CTDSPL2: variants seen among roughly 807,000 people sequenced by gnomAD.
The protein encoded by CTDSPL2 is CTD small phosphatase like 2.
A neutral mutation model predicts 60.0 loss-of-function variants in CTDSPL2; 5 were observed. The ratio of observed to expected loss-of-function variants is 0.08; its 90% CI spans 0.04 to 0.18. The LOEUF (loss-of-function observed/expected upper bound fraction) is 0.18. Among genes scored for constraint, CTDSPL2 ranks in the 10% least tolerant of loss-of-function variants. CTDSPL2 has a pLI of 1.00. For missense variants in CTDSPL2, 370 were observed against 548.8 expected, an observed-to-expected ratio of 0.67 and a Z score of 3.26; for synonymous variants, 186 against 189.3, an observed-to-expected ratio of 0.98 and a Z score of 0.14.
intron 6 of CTDSPL2, 89 bp downstream of exon 6, chr15:44,496,547 T>TTA: frequency 2.1e-6 from 2 of 952,778 alleles, no homozygotes; most frequent in Non-Finnish European, 3.3e-6. Flanking sequence ...AATAGTATAT[T>TTA]GCCAAGATAT....
intron 1 of CTDSPL2, among the ~76,000 whole-genome samples, chr15:44,450,205 T>C (rs2080306480): frequency 6.6e-6 from 1 of 152,100 alleles, no homozygotes; most frequent in Admixed American, 6.6e-5. Flanking sequence ...CCTATAAATA[T>C]AATTTAAATT....
chr15:44,443,501 T>G (rs1197420678), intron 1 of CTDSPL2, among the ~76,000 whole-genome samples: 5 of 152,240 alleles, frequency 3.3e-5, no homozygotes, highest in African/African-American at 9.6e-5. Context: ...GCAGCTTTAC[T>G]ATTTTACATT....
intron 2 of CTDSPL2, among the ~76,000 whole-genome samples, chr15:44,460,260 G>A (rs995169718): frequency 2.3e-4 from 35 of 151,980 alleles, no homozygotes; most frequent in Admixed American, 1.2e-3. Context: ...ACAGGCGCCC[G>A]CCACCACACC....
At chr15:44,489,695 A>G (rs928172693) in intron 4 of CTDSPL2, among the ~76,000 whole-genome samples, 1 of 152,204 alleles carries the variant, frequency 6.6e-6, no homozygotes, top group Non-Finnish European at 1.5e-5. Context: ...CATCATCTGT[A>G]ATAACAACTA....
At chr15:44,476,533 A>G (rs1226790269) in intron 2 of CTDSPL2, among the ~76,000 whole-genome samples, 1 of 152,122 alleles carries the variant, frequency 6.6e-6, no homozygotes, top group Admixed American at 6.6e-5. Context: ...GTGCCAGGTA[A>G]TGATGTTTAG....
At chr15:44,509,211 A>T (rs1008874659) in intron 8 of CTDSPL2, among the ~76,000 whole-genome samples, 5 of 151,254 alleles carry the variant, frequency 3.3e-5, no homozygotes, top group Admixed American at 6.6e-5. Context: ...TTTATTTTTT[A>T]ATTTTTTTGA....
At chr15:44,478,452 CAAAAAAAAAAAAAAA>C (rs61080056) in intron 2 of CTDSPL2, among the ~76,000 whole-genome samples, 13 of 38,018 alleles carry the variant, frequency 3.4e-4, no homozygotes, top group East Asian at 8.0e-4. Context: ...GACTCTGTCT[CAAAAAAAAAAAAAAA>C]AAAAAAAAAA....
At chr15:44,439,487 G>T (rs1368348021) in intron 1 of CTDSPL2, among the ~76,000 whole-genome samples, 2 of 151,282 alleles carry the variant, frequency 1.3e-5, no homozygotes, top group Non-Finnish European at 2.9e-5. Flanking sequence ...TACAGGTTGA[G>T]TATCCCTTAT....
chr15:44,462,203 C>T (rs1195090629), intron 2 of CTDSPL2, among the ~76,000 whole-genome samples: 2 of 152,186 alleles, frequency 1.3e-5, no homozygotes, highest in Non-Finnish European at 2.9e-5. Context: ...CTGGACCTCT[C>T]AAAGTGTGAG....
At chr15:44,502,233 T>C (rs1181153864) in intron 8 of CTDSPL2, among the ~76,000 whole-genome samples, 1 of 152,048 alleles carries the variant, frequency 6.6e-6, no homozygotes, top group Non-Finnish European at 1.5e-5. Context: ...TCTTGAATGT[T>C]AGTTTTATAG....
chr15:44,432,539 C>T (rs920922123), intron 1 of CTDSPL2, among the ~76,000 whole-genome samples: 2 of 151,960 alleles, frequency 1.3e-5, no homozygotes, highest in Non-Finnish European at 2.9e-5. Flanking sequence ...CCAGGCTGTT[C>T]TCGAACTCCT....
At chr15:44,491,859 C>T (rs1449068858) in intron 5 of CTDSPL2, among the ~76,000 whole-genome samples, 12 of 152,016 alleles carry the variant, frequency 7.9e-5, no homozygotes, top group Admixed American at 7.9e-4. Context: ...CCAGCCTGGG[C>T]AAAAGAGCCA....
intron 2 of CTDSPL2, among the ~76,000 whole-genome samples, chr15:44,471,743 C>T (rs1048837124): frequency 3.3e-5 from 5 of 152,060 alleles, no homozygotes; most frequent in African/African-American, 1.2e-4. Flanking sequence ...TTTCATCACC[C>T]TCAAAAGAAA....
intron 1 of CTDSPL2, chr15:44,448,791 C>A (rs930417974): frequency 1.4e-5 from 5 of 352,162 alleles, no homozygotes; most frequent in Non-Finnish European, 2.8e-5. Flanking sequence ...CATAGGGAAG[C>A]TGCGGACGCT....
At chr15:44,523,321 A>G (rs1462583206) in intron 12 of CTDSPL2, among the ~76,000 whole-genome samples, 2 of 152,020 alleles carry the variant, frequency 1.3e-5, no homozygotes, top group African/African-American at 4.8e-5. Flanking sequence ...TTGGAAGGCT[A>G]AGGTGGGAGG....
In CTDSPL2 at chr15:44,506,110, A is replaced by G. The variant is rs1350792527; in HGVS notation, c.969+6297A>G. On this transcript the variant is annotated intron_variant, in intron 8 of 12. Transcript: ENST00000260327. ...AATGGCGCTATCTTGGCTCACCACA[A>G]TCTCTGCCTCCCAGGTTCAAGAAAT... Among the ~76,000 whole-genome samples the G allele has an allele frequency of 3.4e-5, 5 of 149,228 alleles. No homozygotes were observed. The East Asian group carries it at 1.0e-3, about 30-fold the overall frequency.
chr15:44,524,219 C>A lies in CTDSPL2; in HGVS notation c.*45C>A, dbSNP rs753607822. The A allele has an allele frequency of 1.1e-5, 17 of 1,494,678 alleles. No homozygotes were observed. Among genetic ancestry groups the A allele is most frequent in the Non-Finnish European group, 1.1e-5 (12 of 1,073,558 alleles). 92.6% of individuals were successfully genotyped at this position (1,494,678 alleles called of 1,614,324 possible). A position where few individuals can be genotyped will look rare whatever the true frequency, so the allele number is the denominator to read the frequency against. On this transcript the variant is annotated 3_prime_UTR_variant, in exon 13 of 13. Transcript: ENST00000260327. Reference sequence around the variant, plus strand: ...CACTGAAGGGGGAGAGAATGCAGGACCCTTTTGGACTAAGACAAAAACATT... The same window carrying A: ...CACTGAAGGGGGAGAGAATGCAGGAACCTTTTGGACTAAGACAAAAACATT...
At chr15:44,517,513 G>T (rs1250343321) in intron 10 of CTDSPL2, 1 of 151,886 alleles carries the variant, frequency 6.6e-6, no homozygotes, top group Non-Finnish European at 1.5e-5. Context: ...AGAAATTCCT[G>T]TGATCTCTAA....
At chr15:44,514,922 C>A in intron 10 of CTDSPL2, 78 bp downstream of exon 10, 1 of 871,568 alleles carries the variant, frequency 1.1e-6, no homozygotes, top group Non-Finnish European at 1.8e-6. Context: ...ATTTTAATGG[C>A]CATTTTCAGT....
Sources: allele counts gnomAD v4.1 joint callset (sites outside exome capture counted in the v4.1 genomes callset), GRCh38; gene constraint gnomAD v4.1.1; transcripts MANE v1.5; gene names NCBI Gene and HGNC (gene_info 2026-07-23, HGNC 2026-07-21).